RPS6KA2: variants seen among roughly 807,000 people sequenced by gnomAD.
RPS6KA2 encodes ribosomal protein S6 kinase A2.
Under a neutral mutation model 91.8 loss-of-function variants are expected in RPS6KA2, and 42 were observed. That is an observed-to-expected ratio of 0.46 (90% CI 0.36 to 0.59). RPS6KA2 has a LOEUF of 0.59. RPS6KA2 is among the 20% of genes least tolerant of loss of function. RPS6KA2 has a pLI of 0.00. For missense variants in RPS6KA2, 798 were observed against 978.5 expected (o/e 0.82, Z 2.46); for synonymous variants, 414 against 393.6 (o/e 1.05, Z -0.61).
At position 166,500,795 on chromosome 6, in the gene RPS6KA2, G is replaced by T; in HGVS notation, c.604+92C>A. ...CAAGCATCTGGCAAAGGGAAGGGCGGTGTAAATAAGAGGGCTTGGGCTTTG... is the reference window on the plus strand; with the variant it reads ...CAAGCATCTGGCAAAGGGAAGGGCGTTGTAAATAAGAGGGCTTGGGCTTTG... On this transcript the variant is annotated intron_variant, in intron 7 of 20. Transcript: ENST00000265678. The surrounding 1 kb of genome is among the most constrained non-coding windows in gnomAD (Gnocchi z 4.3). The T allele has an allele frequency of 8.6e-7, 1 of 1,160,722 alleles. No homozygotes were observed. Among genetic ancestry groups the T allele is most frequent in the Non-Finnish European group, 1.3e-6 (1 of 774,406 alleles). The allele number at this position is 1,160,722 out of a possible 1,614,324, so 71.9% of individuals were successfully genotyped here.
chr6:166,701,838 C>T (rs1325315433), intron 2 of RPS6KA2: 2 of 900,696 alleles, frequency 2.2e-6, no homozygotes, highest in African/African-American at 3.3e-5. Flanking sequence ...TCAACATTGC[C>T]TTTAGCTGTA....
intron 2 of RPS6KA2, among the ~76,000 whole-genome samples, chr6:166,694,661 C>T (rs1216167869): frequency 6.6e-6 from 1 of 152,194 alleles, no homozygotes; most frequent in African/African-American, 2.4e-5. Flanking sequence ...AACCCTTTAC[C>T]TTCCCGTAGC....
rs190638806 is a variant in RPS6KA2 at position 166,538,822 on chromosome 6, G to A, written c.100-38C>T. On this transcript the variant is annotated intron_variant, in intron 1 of 20. Transcript: ENST00000265678. ...GGCACGGGTGAGAAACACACCGCGA[G>A]GAGTCCCTCAGAGCCGCTCACAGCT... The A allele has an allele frequency of 5.1e-5, 59 of 1,155,728 alleles. No individual in the cohort carries two copies. The East Asian group carries it at 1.3e-3, about 25-fold the overall frequency. 71.6% of individuals were successfully genotyped at this position (1,155,728 alleles called of 1,614,324 possible). A position where few individuals can be genotyped will look rare whatever the true frequency, so the allele number is the denominator to read the frequency against.
chr6:166,805,457 A>G (rs1367459654), intron 2 of RPS6KA2, among the ~76,000 whole-genome samples: 2 of 152,042 alleles, frequency 1.3e-5, no homozygotes, highest in African/African-American at 2.4e-5. Flanking sequence ...CCCTCCCCCA[A>G]CTTGGGGGCC....
chr6:166,423,272 T>C lies in RPS6KA2; in HGVS notation c.1727A>G (p.Asn576Ser). The change falls in exon 17 of 21, where the codon AAT (asparagine) becomes AGT (serine). Residue 576 changes from asparagine (N) to serine (S), a missense_variant. Physicochemically the swap from Asn to Ser is conservative, Grantham distance 46. Coordinates refer to ENST00000265678, the MANE Select transcript of RPS6KA2 (RefSeq NM_021135.6). This position sits in a 1 kb window ranked among gnomAD's most constrained non-coding sequence, Gnocchi z 4.8. Reference protein sequence around the residue: ...GLLMTPCYTANFVAPEVLKRQ... With the variant: ...GLLMTPCYTASFVAPEVLKRQ... ...AATGCTCACCTCCGGGGCCACGAAATTGGCCGTGTAGCAGGGTGTCATGAG... is the reference window on the plus strand; with the variant it reads ...AATGCTCACCTCCGGGGCCACGAAACTGGCCGTGTAGCAGGGTGTCATGAG... 3.7e-6 allele frequency: 6 copies of C among 1,612,036 alleles called. No homozygotes were observed. The highest frequency in any genetic ancestry group is 2.2e-5 in the South Asian group (2 of 91,010).
rs368624144 is a variant in RPS6KA2, at chr6:166,412,798, G to C, written c.2166C>G (p.Arg722=). Residue 722 remains arginine, a synonymous_variant, in exon 21 of 21, where the codon CGC becomes CGG. Transcript: ENST00000265678. The surrounding 1 kb of genome is among the most constrained non-coding windows in gnomAD (Gnocchi z 4.3). The part of the protein sequence containing the change: ...EPVLSSNLAQ[R]RGMKRLTSTR... Reference sequence around the variant, plus strand: ...TGGACGTGAGTCTCTTCATGCCTCTGCGCTGAGCCAGGTTGGATGACAGCA... The same window carrying C: ...TGGACGTGAGTCTCTTCATGCCTCTCCGCTGAGCCAGGTTGGATGACAGCA... 2 of 1,595,542 alleles carry C rather than the reference G, an allele frequency of 1.3e-6. No homozygotes were observed. The highest frequency in any genetic ancestry group is 2.7e-5 in the African/African-American group (2 of 74,792).
rs527848489 is a variant in RPS6KA2, at chr6:166,834,157, C to T, written c.123+24043G>A. 9.2e-5 allele frequency among the ~76,000 whole-genome samples: 14 copies of T among 152,296 alleles called. No homozygotes were observed. The South Asian group carries it at 2.7e-3, about 29-fold the overall frequency. ...CGTCATTTTGCATTCCCACCAACAACGGAAGAGAGTTCCAGTTATTTCACA... is the reference window on the plus strand; with the variant it reads ...CGTCATTTTGCATTCCCACCAACAATGGAAGAGAGTTCCAGTTATTTCACA... On this transcript the variant is annotated intron_variant, in intron 2 of 21. Transcript: ENST00000503859.
intron 2 of RPS6KA2, among the ~76,000 whole-genome samples, chr6:166,820,433 T>C (rs1202512215): frequency 6.7e-6 from 1 of 150,220 alleles, no homozygotes; most frequent in African/African-American, 2.4e-5. Flanking sequence ...TTTAGATGAG[T>C]GGGCTGTCTC....
rs571921581 is a variant in RPS6KA2 at position 166,829,353 on chromosome 6, A to G, written c.123+28847T>C. On this transcript the variant is annotated intron_variant, in intron 2 of 21. Transcript: ENST00000503859. ...ACGCCTGTAATCCCAGCACTTTAGG[A>G]GGCTGAGGCGGGTGGATCAGGAAGT... is the stretch of plus-strand genomic sequence containing the variant. Among the ~76,000 whole-genome samples the G allele has an allele frequency of 3.3e-5, 5 of 152,246 alleles. No individual in the cohort carries two copies. The South Asian group carries it at 8.3e-4, about 25-fold the overall frequency.
At chr6:166,775,128 C>T (rs1466833791) in intron 2 of RPS6KA2, among the ~76,000 whole-genome samples, 1 of 152,104 alleles carries the variant, frequency 6.6e-6, no homozygotes, top group Non-Finnish European at 1.5e-5. Context: ...TGGGAGTTAC[C>T]AAAATGGTTA....
At chr6:166,506,146 G>T (rs2128480609) in intron 5 of RPS6KA2, among the ~76,000 whole-genome samples, 1 of 152,212 alleles carries the variant, frequency 6.6e-6, no homozygotes, top group Non-Finnish European at 1.5e-5. Context: ...CACAGCGACG[G>T]TCCCCATAAG....
At chr6:166,544,533 A>G (rs753243180) in intron 1 of RPS6KA2, 1 of 152,168 alleles carries the variant, frequency 6.6e-6, no homozygotes, top group African/African-American at 2.4e-5. Context: ...AAAAATAACT[A>G]GACATTTGAA....
rs544201559 is a variant in RPS6KA2, at chr6:166,436,268, G to A, written c.1333-3778C>T. On this transcript the variant is annotated intron_variant, in intron 14 of 20. Transcript: ENST00000265678. ...AGTCCGTGCCATGAAGCAGTGTGAT[G>A]TTTAAAACTAATGTCAGCAGTAGAG... Among the ~76,000 whole-genome samples the A allele has an allele frequency of 3.5e-5, 5 of 143,800 alleles. No individual in the cohort carries two copies. The South Asian group carries it at 1.2e-3, about 35-fold the overall frequency. 94.3% of individuals were successfully genotyped at this position (143,800 alleles called of 152,430 possible).
chr6:166,806,928 T>A (rs1779507408), intron 2 of RPS6KA2, among the ~76,000 whole-genome samples: 1 of 152,238 alleles, frequency 6.6e-6, no homozygotes. Flanking sequence ...AATGTCATGA[T>A]GGTACAAATT....
intron 10 of RPS6KA2, among the ~76,000 whole-genome samples, chr6:166,477,222 T>G (rs1781009064): frequency 6.6e-6 from 1 of 152,138 alleles, no homozygotes; most frequent in South Asian, 2.1e-4. Flanking sequence ...AATACACCTG[T>G]GGGAGGGTCC....
At chr6:166,570,560 T>A (rs1784658137) in intron 1 of RPS6KA2, among the ~76,000 whole-genome samples, 1 of 152,192 alleles carries the variant, frequency 6.6e-6, no homozygotes, top group African/African-American at 2.4e-5. Flanking sequence ...AAATAAGAAC[T>A]ACAAATATAG....
At chr6:166,586,216 C>T in intron 1 of RPS6KA2, 1 of 1,590,412 alleles carries the variant, frequency 6.3e-7, no homozygotes, top group Non-Finnish European at 8.5e-7. Flanking sequence ...TAGTTGTTAC[C>T]CCAGGATCGT....
chr6:166,500,105 G>A lies in RPS6KA2; in HGVS notation c.604+782C>T, dbSNP rs569840656. 6.6e-6 allele frequency among the ~76,000 whole-genome samples: 1 copy of A among 152,214 alleles called. No individual in the cohort carries two copies. The highest frequency in any genetic ancestry group is 1.5e-5 in the Non-Finnish European group (1 of 68,034). On this transcript the variant is annotated intron_variant, in intron 7 of 20. Transcript: ENST00000265678. The surrounding 1 kb of genome is among the most constrained non-coding windows in gnomAD (Gnocchi z 4.3). ...GACGCAGCCCAGCCAAGGACTGCGG[G>A]CAGCTTCTACTAGCTGGAAGAAGCT...
chr6:166,637,262 T>G (rs1362253921), intron 2 of RPS6KA2, among the ~76,000 whole-genome samples: 2 of 152,178 alleles, frequency 1.3e-5, no homozygotes, highest in Admixed American at 6.5e-5. Context: ...GACACACGAG[T>G]GCTTCCTACA....
Sources: gnomAD v4.1 joint callset for allele counts (sites outside exome capture counted in the v4.1 genomes callset) on GRCh38, gnomAD v4.1.1 for gene constraint, Gnocchi (gnomAD v3.1) non-coding constraint, MANE v1.5 for transcripts, NCBI Gene and HGNC (gene_info 2026-07-23, HGNC 2026-07-21) for gene names.